TPH2: variants seen among roughly 807,000 people sequenced by gnomAD.
The protein encoded by TPH2 is tryptophan hydroxylase 2.
TPH2 carries 27 observed loss-of-function variants against 59.1 expected under a neutral mutation model. The ratio of observed to expected loss-of-function variants is 0.46; its 90% CI spans 0.34 to 0.63. The LOEUF is 0.63. Ranked by LOEUF, TPH2 falls within the 30% of genes least tolerant of loss-of-function variation. TPH2 has a pLI of 0.01. For synonymous variants in TPH2, 220 were observed against 210.5 expected (o/e 1.05, Z -0.39); for missense variants, 523 against 588.3 (o/e 0.89, Z 1.15).
At chr12:71,980,938 AT>A (rs879851075) in intron 7 of TPH2, among the ~76,000 whole-genome samples, 4 of 151,856 alleles carry the variant, frequency 2.6e-5, no homozygotes, top group East Asian at 1.9e-4. Context: ...TTTAAAAAAA[AT>A]TTTTTTTAAA....
At chr12:71,996,323 A>T (rs558045002) in intron 8 of TPH2, among the ~76,000 whole-genome samples, 15 of 152,336 alleles carry the variant, frequency 9.8e-5, no homozygotes, top group Non-Finnish European at 1.5e-5. Context: ...TGCTGTTCAC[A>T]TTGGCCATAT....
intron 8 of TPH2, among the ~76,000 whole-genome samples, chr12:72,007,667 G>C (rs748389308): frequency 6.6e-6 from 1 of 152,046 alleles, no homozygotes; most frequent in Non-Finnish European, 1.5e-5. Context: ...AAGTTTAAAA[G>C]TTCTCTGTAA....
chr12:71,988,427 G>A (rs947004251), intron 7 of TPH2, among the ~76,000 whole-genome samples: 1 of 152,084 alleles, frequency 6.6e-6, no homozygotes, highest in African/African-American at 2.4e-5. Context: ...TGTTTCTGGG[G>A]GACCTCAGGA....
chr12:71,993,957 T>C (rs2139221332), intron 7 of TPH2, among the ~76,000 whole-genome samples: 1 of 152,326 alleles, frequency 6.6e-6, no homozygotes, highest in Non-Finnish European at 1.5e-5. Context: ...CTCTGCAGTG[T>C]GATCAAAAGC....
chr12:71,950,752 C>T lies in TPH2; in HGVS notation c.608+1097C>T, dbSNP rs573291203. 7.2e-5 allele frequency among the ~76,000 whole-genome samples: 11 copies of T among 152,158 alleles called. No individual in the cohort carries two copies. The East Asian group carries it at 1.2e-3, about 16-fold the overall frequency. ...TGTGAAACTTGACTGTCCTGTGAGGCGAATTTTTCACTGGTGAAAGTTTAG... is the reference window on the plus strand; with the variant it reads ...TGTGAAACTTGACTGTCCTGTGAGGTGAATTTTTCACTGGTGAAAGTTTAG... On this transcript the variant is annotated intron_variant, in intron 5 of 10. Coordinates refer to ENST00000333850, the MANE Select transcript of TPH2 (RefSeq NM_173353.4).
At chr12:71,988,607 G>A (rs752350516) in intron 7 of TPH2, among the ~76,000 whole-genome samples, 1 of 152,190 alleles carries the variant, frequency 6.6e-6, no homozygotes, top group Non-Finnish European at 1.5e-5. Flanking sequence ...AATCATTAAA[G>A]AGAAATCCAC....
At chr12:72,020,738 T>C (rs11179058) in intron 8 of TPH2, among the ~76,000 whole-genome samples, 80,109 of 151,950 alleles carry the variant, frequency 0.53, 22,426 homozygotes, top group Non-Finnish European at 0.64. Flanking sequence ...CTGATCCCTT[T>C]GGCCTCCCAA....
At chr12:71,949,548 C>T in intron 4 of TPH2, 40 bp from the exon 5 acceptor site, 2 of 1,559,320 alleles carry the variant, frequency 1.3e-6, no homozygotes, top group Non-Finnish European at 1.8e-6. Context: ...AGCTAATTTT[C>T]AGCACTTTGT....
chr12:72,009,072 A>G (rs1466628569), intron 8 of TPH2, among the ~76,000 whole-genome samples: 1 of 152,174 alleles, frequency 6.6e-6, no homozygotes, highest in Non-Finnish European at 1.5e-5. Context: ...AACAGAAACA[A>G]AAACAAAACC....
Position 71,963,160 on chromosome 12 carries a change from T to C in TPH2, c.609-9359T>C, listed in dbSNP as rs1236114987. The stretch of plus-strand genomic sequence containing the variant: ...GAGTAATATTTTGAATATTTTACTT[T>C]TTGCTTTTTTGCCCCGGGCATTACT... On this transcript the variant is annotated intron_variant, in intron 5 of 10. Coordinates refer to ENST00000333850, the MANE Select transcript of TPH2 (RefSeq NM_173353.4). Among the ~76,000 whole-genome samples, 2 of 51,812 alleles carry C rather than the reference T, an allele frequency of 3.9e-5. 1 individual carries two copies. Among genetic ancestry groups the C allele is most frequent in the East Asian group, 1.3e-3 (2 of 1,544 alleles). The allele number at this position is 51,812 out of a possible 152,430, so 34.0% of individuals were successfully genotyped here.
At position 71,962,445 on chromosome 12, in the gene TPH2, T is replaced by A. The variant is rs145970505; in HGVS notation, c.609-10074T>A. ...TTTGGTTACAAGTGTGACTGAGTGA[T>A]GATGTCTAGATAAGGGTCAGGAAAA... On this transcript the variant is annotated intron_variant, in intron 5 of 10. Coordinates refer to ENST00000333850, the MANE Select transcript of TPH2 (RefSeq NM_173353.4). 1,021 of 985,352 alleles carry A rather than the reference T, an allele frequency of 1.0e-3. 15 individuals are homozygous for A. In the African/African-American group the frequency reaches 0.016, roughly 16 times the overall value. The allele number at this position is 985,352 out of a possible 1,614,324, so 61.0% of individuals were successfully genotyped here.
rs766632952 is a variant in TPH2, at chr12:72,031,705, C to A, written c.*10C>A. The A allele has an allele frequency of 2.5e-6, 4 of 1,613,238 alleles. No individual in the cohort carries two copies. In the East Asian group the frequency reaches 8.9e-5, roughly 36 times the overall value. ...ATATCTGGGGATTTGATGCCTGGAA[C>A]TATGTTGTTGCCAGCATGATCTTTT... On this transcript the variant is annotated 3_prime_UTR_variant, in exon 11 of 11. Transcript: ENST00000333850.
At chr12:71,949,760 GTGT>G in intron 5 of TPH2, 105 bp downstream of exon 5, 1 of 983,686 alleles carries the variant, frequency 1.0e-6, no homozygotes, top group Non-Finnish European at 1.6e-6. Flanking sequence ...CAGAAAGCAG[GTGT>G]GAACCATTTT....
rs1592855458 is a variant in TPH2 at position 71,939,207 on chromosome 12, T to C, written c.105+116T>C. On this transcript the variant is annotated intron_variant, in intron 1 of 10. Transcript: ENST00000333850. ...CACGCACACCTCAAATTTCTCCTTCTTTATAATCTGTCTACCCTGCTTTCC... is the reference window on the plus strand; with the variant it reads ...CACGCACACCTCAAATTTCTCCTTCCTTATAATCTGTCTACCCTGCTTTCC... The C allele has an allele frequency of 7.6e-6, 6 of 789,496 alleles. No homozygotes were observed. In the East Asian group the frequency reaches 1.6e-4, roughly 21 times the overall value. The allele number at this position is 789,496 out of a possible 1,614,324, so 48.9% of individuals were successfully genotyped here.
chr12:71,999,851 A>T (rs1228915534), intron 8 of TPH2, among the ~76,000 whole-genome samples: 1 of 152,236 alleles, frequency 6.6e-6, no homozygotes, highest in Non-Finnish European at 1.5e-5. Context: ...ACCTTAGACT[A>T]TACTATCCTT....
At chr12:71,991,923 T>C (rs1277327143) in intron 7 of TPH2, among the ~76,000 whole-genome samples, 2 of 152,172 alleles carry the variant, frequency 1.3e-5, no homozygotes, top group Admixed American at 1.3e-4. Flanking sequence ...CCTAGAGTCA[T>C]CAGTTATCAC....
chr12:71,990,372 C>T (rs377307546), intron 7 of TPH2, among the ~76,000 whole-genome samples: 7 of 152,134 alleles, frequency 4.6e-5, no homozygotes, highest in African/African-American at 1.2e-4. Context: ...TAATTTCAGC[C>T]CAACAGACCT....
intron 8 of TPH2, among the ~76,000 whole-genome samples, chr12:72,020,719 T>C (rs1566169015): frequency 6.6e-6 from 1 of 152,130 alleles, no homozygotes; most frequent in Non-Finnish European, 1.5e-5. Flanking sequence ...ACTCCTGACC[T>C]TAGGTGATCT....
In TPH2 at chr12:72,025,163, TATC is replaced by T. The variant is rs1223532528; in HGVS notation, c.1164+2672_1164+2674del. Among the ~76,000 whole-genome samples the T allele has an allele frequency of 1.3e-4, 20 of 152,276 alleles. No individual in the cohort carries two copies. The South Asian group carries it at 3.7e-3, about 28-fold the overall frequency. Reference sequence around the variant, plus strand: ...GTAGGGATAACTTTATTAATAGCGTTATCATAATTCCTGTGTAAACAAGCTTAC... The same window carrying T: ...GTAGGGATAACTTTATTAATAGCGTTATAATTCCTGTGTAAACAAGCTTAC... On this transcript the variant is annotated intron_variant, in intron 9 of 10. Coordinates refer to ENST00000333850, the MANE Select transcript of TPH2 (RefSeq NM_173353.4).
Sources: allele counts gnomAD v4.1 joint callset (sites outside exome capture counted in the v4.1 genomes callset), GRCh38; gene constraint gnomAD v4.1.1; transcripts MANE v1.5; gene names NCBI Gene and HGNC (gene_info 2026-07-23, HGNC 2026-07-21).